Variants in ACVR1 observed in about 807,000 individuals in gnomAD.
The protein encoded by ACVR1 is activin receptor type-1.
A neutral mutation model predicts 57.1 loss-of-function variants in ACVR1; 38 were observed. That is an observed-to-expected ratio of 0.67 (90% CI 0.51 to 0.87). The LOEUF (loss-of-function observed/expected upper bound fraction) is 0.87, where lower values mean the gene tolerates loss of function less well. Ranked by LOEUF, ACVR1 falls within the 40% of genes least tolerant of loss-of-function variation. The probability of loss-of-function intolerance (pLI) is 0.00; values close to 1 mark genes in which losing one functional copy is unlikely to be tolerated. For missense variants in ACVR1, 463 were observed against 638.2 expected (o/e 0.73, Z 2.96); for synonymous variants, 212 against 228.1 (o/e 0.93, Z 0.63).
intron 1 of ACVR1, among the ~76,000 whole-genome samples, chr2:157,848,771 T>C (rs1689206899): frequency 1.3e-5 from 2 of 152,302 alleles, no homozygotes; most frequent in South Asian, 4.1e-4. Context: ...TTAATATTTC[T>C]TGTATCTATA....
At chr2:157,777,453 C>T (rs1014549672) in intron 5 of ACVR1, among the ~76,000 whole-genome samples, 5 of 152,042 alleles carry the variant, frequency 3.3e-5, no homozygotes, top group Admixed American at 6.5e-5. Context: ...ATCGATTATA[C>T]GTTGAAATGA....
At chr2:157,796,382 T>A (rs1349283292) in intron 3 of ACVR1, among the ~76,000 whole-genome samples, 1 of 151,294 alleles carries the variant, frequency 6.6e-6, no homozygotes, top group East Asian at 2.0e-4. Flanking sequence ...CAAAACTCTG[T>A]CTCTACTAAA....
chr2:157,767,026 T>A (rs1685886816), intron 7 of ACVR1, among the ~76,000 whole-genome samples: 1 of 149,524 alleles, frequency 6.7e-6, no homozygotes, highest in African/African-American at 2.6e-5. Context: ...AGAAGATTTT[T>A]CTTTTTCTTT....
At chr2:157,761,892 G>A (rs1301615859) in intron 8 of ACVR1, among the ~76,000 whole-genome samples, 1 of 152,164 alleles carries the variant, frequency 6.6e-6, no homozygotes, top group Non-Finnish European at 1.5e-5. Flanking sequence ...CCAAATTGGA[G>A]CAAGCAGTCC....
chr2:157,800,736 A>G (rs1350558613), intron 2 of ACVR1, among the ~76,000 whole-genome samples: 1 of 152,104 alleles, frequency 6.6e-6, no homozygotes, highest in Non-Finnish European at 1.5e-5. Flanking sequence ...TTCCATGTTC[A>G]CATAGATCTT....
chr2:157,759,138 T>C (rs748287225), intron 9 of ACVR1, among the ~76,000 whole-genome samples: 10 of 151,752 alleles, frequency 6.6e-5, no homozygotes, highest in Non-Finnish European at 1.2e-4. Context: ...AGAAAGGTCA[T>C]AGCAAAACTA....
intron 1 of ACVR1, among the ~76,000 whole-genome samples, chr2:157,827,586 G>A (rs1051874892): frequency 9.2e-5 from 14 of 152,244 alleles, no homozygotes; most frequent in African/African-American, 2.9e-4. Flanking sequence ...TAATAATTGG[G>A]GTAGTATCCC....
At chr2:157,863,731 A>C (rs990617021) in intron 1 of ACVR1, among the ~76,000 whole-genome samples, 1 of 152,066 alleles carries the variant, frequency 6.6e-6, no homozygotes, top group African/African-American at 2.4e-5. Context: ...AGAAAGATTT[A>C]GTAAGTGATT....
At chr2:157,768,059 T>A (rs1395086971) in intron 7 of ACVR1, among the ~76,000 whole-genome samples, 4 of 152,186 alleles carry the variant, frequency 2.6e-5, no homozygotes, top group Non-Finnish European at 4.4e-5. Context: ...CAAACTGATT[T>A]CTACTCAGAG....
chr2:157,851,651 C>CT (rs922679582), intron 1 of ACVR1, among the ~76,000 whole-genome samples: 3 of 152,138 alleles, frequency 2.0e-5, no homozygotes, highest in African/African-American at 7.2e-5. Context: ...AAAAAACCCT[C>CT]TGTCAGTCAG....
intron 2 of ACVR1, among the ~76,000 whole-genome samples, chr2:157,814,322 CAAGCATAGA>C (rs1189803693): frequency 6.6e-6 from 1 of 152,134 alleles, no homozygotes; most frequent in African/African-American, 2.4e-5. Flanking sequence ...ACAACGAACA[CAAGCATAGA>C]AAGATAACTA....
At chr2:157,741,557 G>A (rs149596695) in intron 9 of ACVR1, among the ~76,000 whole-genome samples, 153 of 151,764 alleles carry the variant, frequency 1.0e-3, no homozygotes, top group Middle Eastern at 6.8e-3. Flanking sequence ...CCCAGGAGGC[G>A]TAGGTTGCAG....
chr2:157,818,225 T>C (rs111916998), intron 2 of ACVR1, among the ~76,000 whole-genome samples, 160 bp downstream of exon 2: 411 of 152,242 alleles, frequency 2.7e-3, no homozygotes, highest in African/African-American at 5.2e-3. Context: ...TTATATTGGA[T>C]TCATATAAAA....
At chr2:157,811,686 C>T (rs1474746094) in intron 2 of ACVR1, among the ~76,000 whole-genome samples, 1 of 152,060 alleles carries the variant, frequency 6.6e-6, no homozygotes, top group Non-Finnish European at 1.5e-5. Flanking sequence ...AACTAAAACC[C>T]AACATCTCAC....
At chr2:157,751,578 C>A (rs1301418544) in intron 9 of ACVR1, among the ~76,000 whole-genome samples, 1 of 152,222 alleles carries the variant, frequency 6.6e-6, no homozygotes, top group Non-Finnish European at 1.5e-5. Context: ...TGCTGGCCCA[C>A]TGCCTGGAAA....
At chr2:157,793,440 G>A (rs1335354280) in intron 3 of ACVR1, among the ~76,000 whole-genome samples, 1 of 152,098 alleles carries the variant, frequency 6.6e-6, no homozygotes, top group Non-Finnish European at 1.5e-5. Context: ...AGGCTAAAAG[G>A]ATGCTTTGTC....
At position 157,778,285 on chromosome 2, in the gene ACVR1, G is replaced by A. The variant is rs1342623415; in HGVS notation, c.389C>T (p.Ser130Phe). 6.2e-7 allele frequency: 1 copy of A among 1,614,076 alleles called. No homozygotes were observed. Among genetic ancestry groups the A allele is most frequent in the Non-Finnish European group, 8.5e-7 (1 of 1,179,986 alleles). ...TAAAAGACATACTGCGAACACTACA[G>A]AGAGAATAATGAGGCCAACCTCCAA... ...FHLEVGLIIL[S>F]VVFAVCLLAC... The change falls in exon 5 of 11, where the codon TCT becomes TTT. Residue 130 changes from serine to phenylalanine, a missense_variant. By Grantham distance (155) the Ser-to-Phe change is radical. This residue lies in a region of ACVR1 where 203 missense variants were observed against 235.5 expected (regional missense o/e 0.86). Transcript: ENST00000434821.
intron 2 of ACVR1, among the ~76,000 whole-genome samples, chr2:157,809,451 G>A (rs531738544): frequency 4.6e-5 from 7 of 151,988 alleles, no homozygotes; most frequent in East Asian, 1.9e-4. Context: ...GAAAGAAAAC[G>A]AGCCATGTAC....
At chr2:157,820,723 T>C (rs1245210477) in intron 1 of ACVR1, among the ~76,000 whole-genome samples, 1 of 152,180 alleles carries the variant, frequency 6.6e-6, no homozygotes, top group East Asian at 1.9e-4. Context: ...AAGATTCTTA[T>C]ATTTCCCAGA....
Sources: gnomAD v4.1 joint callset for allele counts (sites outside exome capture counted in the v4.1 genomes callset) on GRCh38, gnomAD v4.1.1 for gene constraint, gnomAD v4.1.1 regional missense constraint, MANE v1.5 for transcripts, NCBI Gene and HGNC (gene_info 2026-07-23, HGNC 2026-07-21) for gene names.